Variants in HIVEP2 observed in about 807,000 individuals in gnomAD.
HIVEP2 encodes the protein transcription factor HIVEP2.
In HIVEP2, 14 loss-of-function variants were observed where a neutral mutation model predicts 180.7. The ratio of observed to expected loss-of-function variants is 0.08; its 90% confidence interval spans 0.05 to 0.12. The LOEUF (loss-of-function observed/expected upper bound fraction) is 0.12, where lower values mean the gene tolerates loss of function less well. Ranked by LOEUF, HIVEP2 falls within the 10% of genes least tolerant of loss-of-function variation. The pLI, the probability that HIVEP2 is intolerant of heterozygous loss-of-function variation, is 1.00. For synonymous variants in HIVEP2, 1,184 were observed against 1,136.4 expected, an observed-to-expected ratio of 1.04 and a Z score of -0.84; for missense variants, 2,579 against 3,008.5, an observed-to-expected ratio of 0.86 and a Z score of 3.34.
intron 2 of HIVEP2, among the ~76,000 whole-genome samples, chr6:142,810,761 C>CAAAAAAA (rs60893476): frequency 2.0e-5 from 2 of 100,754 alleles, no homozygotes; most frequent in African/African-American, 4.1e-5. Flanking sequence ...GACTCTGTCT[C>CAAAAAAA]AAAAAAAAAA....
intron 2 of HIVEP2, among the ~76,000 whole-genome samples, chr6:142,819,451 G>A (rs1016733339): frequency 6.6e-6 from 1 of 152,068 alleles, no homozygotes; most frequent in Non-Finnish European, 1.5e-5. Context: ...GCTTTTTAAT[G>A]TTTTCCAAAA....
In HIVEP2 at chr6:142,753,894, C is replaced by G; in HGVS notation, c.6554G>C (p.Ser2185Thr). The G allele has an allele frequency of 6.2e-7, 1 of 1,610,564 alleles. No homozygotes were observed. The highest frequency in any genetic ancestry group is 2.2e-5 in the East Asian group (1 of 44,838). Residue 2185 changes from serine (S) to threonine (T), a missense_variant, in exon 10 of 10, where the codon AGT (serine) becomes ACT (threonine). Transcript: ENST00000367603. ...RRGLPQVPYF[S>T]LYGDQEGAYE... ...AGCACCTTCTTGGTCTCCATAGAGA[C>G]TGAAGTAAGGAACCTGAGGTAATCC...
At chr6:142,938,147 G>A (rs187830281) in intron 1 of HIVEP2, among the ~76,000 whole-genome samples, 1 of 152,158 alleles carries the variant, frequency 6.6e-6, no homozygotes, top group Non-Finnish European at 1.5e-5. Flanking sequence ...AAAGAGCTTC[G>A]ATGACTTGTT....
chr6:142,848,584 G>A (rs1775573125), intron 1 of HIVEP2, among the ~76,000 whole-genome samples: 1 of 151,954 alleles, frequency 6.6e-6, no homozygotes, highest in Non-Finnish European at 1.5e-5. Context: ...AAATTCAACT[G>A]GAGCATGGTG....
At chr6:142,812,019 C>T (rs1362439213) in intron 2 of HIVEP2, among the ~76,000 whole-genome samples, 2 of 152,116 alleles carry the variant, frequency 1.3e-5, no homozygotes, top group African/African-American at 4.8e-5. Flanking sequence ...CTACAATTGC[C>T]CCAGCAGCTG....
chr6:142,849,490 G>A (rs2114919997), intron 1 of HIVEP2, among the ~76,000 whole-genome samples: 1 of 151,994 alleles, frequency 6.6e-6, no homozygotes, highest in African/African-American at 2.4e-5. Flanking sequence ...AGCATCATTA[G>A]CAGCTAGAGT....
intron 9 of HIVEP2, among the ~76,000 whole-genome samples, chr6:142,755,380 G>T (rs113836517): frequency 1.3e-5 from 2 of 152,186 alleles, no homozygotes; most frequent in Non-Finnish European, 2.9e-5. Context: ...GAAAAGGCAC[G>T]TCTCCTTCAT....
At chr6:142,801,320 A>C (rs2114760149) in intron 2 of HIVEP2, among the ~76,000 whole-genome samples, 1 of 151,794 alleles carries the variant, frequency 6.6e-6, no homozygotes, top group African/African-American at 2.4e-5. Flanking sequence ...TCACCAGAAG[A>C]ATTGCTTGAA....
intron 2 of HIVEP2, among the ~76,000 whole-genome samples, chr6:142,807,186 A>G (rs568630226): frequency 1.3e-5 from 2 of 152,312 alleles, no homozygotes; most frequent in South Asian, 2.1e-4. Context: ...GGAGGAGTCA[A>G]CTTGGCCAGT....
intron 3 of HIVEP2, among the ~76,000 whole-genome samples, chr6:142,782,032 C>T (rs1421560309): frequency 6.6e-6 from 1 of 152,180 alleles, no homozygotes; most frequent in South Asian, 2.1e-4. Context: ...TAATGACATC[C>T]TAAATAATGA....
intron 3 of HIVEP2, among the ~76,000 whole-genome samples, chr6:142,782,078 C>CA (rs1273188050): frequency 2.0e-5 from 3 of 152,184 alleles, no homozygotes; most frequent in Admixed American, 2.0e-4. Context: ...ACGGCTTCTC[C>CA]ACTTCCAACA....
chr6:142,820,316 T>TCC (rs1254807910), intron 2 of HIVEP2, among the ~76,000 whole-genome samples: 1 of 151,926 alleles, frequency 6.6e-6, no homozygotes, highest in Non-Finnish European at 1.5e-5. Context: ...TCTCTCTCTC[T>TCC]CTCTCTGTAT....
rs144732790 is a variant in HIVEP2, at chr6:142,753,495, G to T, written c.6953C>A (p.Thr2318Lys). 4.6e-3 allele frequency: 7,468 copies of T among 1,614,148 alleles called. 19 individuals carry two copies. Among genetic ancestry groups the T allele is most frequent in the Non-Finnish European group, 5.8e-3 (6,834 of 1,180,048 alleles). The change falls in exon 10 of 10, where the codon ACA becomes AAA. Residue 2318 changes from threonine (T) to lysine (K), a missense_variant. Thr to Lys is a moderately conservative substitution (Grantham distance 78, BLOSUM62 -1). Around this residue, in one of 11 missense-constraint regions of HIVEP2, gnomAD observed 660 missense variants for 731.7 expected, o/e 0.90. Transcript: ENST00000367603. Reference sequence around the variant, plus strand: ...TATATTTTCCTCCTGTTCCCGCTCTGTTGCGTTTAGGCTGTCTTCCGAAGT... The same window carrying T: ...TATATTTTCCTCCTGTTCCCGCTCTTTTGCGTTTAGGCTGTCTTCCGAAGT... ...QSTSEDSLNA[T>K]EREQEENIQT...
intron 2 of HIVEP2, among the ~76,000 whole-genome samples, chr6:142,834,764 A>G (rs1775182276): frequency 6.6e-6 from 1 of 152,114 alleles, no homozygotes; most frequent in Admixed American, 6.5e-5. Context: ...ACTGTTTTCT[A>G]TTTACTACCA....
Position 142,764,905 on chromosome 6 carries a change from A to G in HIVEP2, c.5412T>C (p.Cys1804=). The stretch of plus-strand genomic sequence containing the variant: ...TGCTTGGCTTCTTACAGCGAATCCC[A>G]CATTCTTCACAAATGTACTTTCCCC... ...RGRGKYICEE[C]GIRCKKPSML... is the part of the protein sequence containing the mutation. The change falls in exon 7 of 10, where the codon TGT becomes TGC. Residue 1804 remains cysteine (C), a synonymous_variant. Transcript: ENST00000367603. 6.2e-7 allele frequency: 1 copy of G among 1,613,948 alleles called. No individual in the cohort carries two copies. Among genetic ancestry groups the G allele is most frequent in the Non-Finnish European group, 8.5e-7 (1 of 1,179,832 alleles).
intron 1 of HIVEP2, among the ~76,000 whole-genome samples, chr6:142,873,438 T>C (rs1400111215): frequency 1.3e-5 from 2 of 152,186 alleles, no homozygotes; most frequent in East Asian, 3.8e-4. Context: ...ACCAATACTA[T>C]TGACTAGTAA....
rs1778221487 is a variant in HIVEP2 at position 142,943,197 on chromosome 6, A to G, written c.-641+1902T>C. 6.6e-6 allele frequency among the ~76,000 whole-genome samples: 1 copy of G among 152,180 alleles called. No homozygotes were observed. Among genetic ancestry groups the G allele is most frequent in the Non-Finnish European group, 1.5e-5 (1 of 68,030 alleles). On this transcript the variant is annotated intron_variant, in intron 1 of 9. Coordinates refer to ENST00000367603, the MANE Select transcript of HIVEP2 (RefSeq NM_006734.4). This position sits in a 1 kb window ranked among gnomAD's most constrained non-coding sequence, Gnocchi z 4.5. Reference sequence around the variant, plus strand: ...TGTTCTGATAAACCATTTGGCCTATATCCTAAAAATCAAACCCAATCTACT... The same window carrying G: ...TGTTCTGATAAACCATTTGGCCTATGTCCTAAAAATCAAACCCAATCTACT...
intron 2 of HIVEP2, among the ~76,000 whole-genome samples, chr6:142,791,328 A>G (rs1776132577): frequency 6.6e-6 from 1 of 152,200 alleles, no homozygotes; most frequent in African/African-American, 2.4e-5. Context: ...AGGAAAGACT[A>G]GACAGAGGGA....
intron 1 of HIVEP2, among the ~76,000 whole-genome samples, chr6:142,840,520 T>C (rs1256347301): frequency 2.0e-5 from 3 of 152,178 alleles, no homozygotes; most frequent in African/African-American, 7.2e-5. Context: ...CATGTAAGCA[T>C]ATTTTCACTG....
Sources: gnomAD v4.1 joint callset for allele counts (sites outside exome capture counted in the v4.1 genomes callset) on GRCh38, gnomAD v4.1.1 for gene constraint, gnomAD v4.1.1 regional missense constraint, Gnocchi (gnomAD v3.1) non-coding constraint, MANE v1.5 for transcripts, NCBI Gene and HGNC (gene_info 2026-07-23, HGNC 2026-07-21) for gene names.